The following LDB2 variants were observed in gnomAD, a reference collection of about 807,000 sequenced individuals.
LDB2 encodes the protein LIM domain-binding protein 2.
In LDB2, 12 loss-of-function variants were observed where a neutral mutation model predicts 44.3. The observed-to-expected ratio is 0.27, with a 90% CI of 0.17 to 0.44. The LOEUF (loss-of-function observed/expected upper bound fraction) is 0.44. LDB2 is among the 20% of genes least tolerant of loss of function. The probability of loss-of-function intolerance (pLI) is 1.00; values close to 1 mark genes in which losing one functional copy is unlikely to be tolerated. For synonymous variants in LDB2, 164 were observed against 174.8 expected (o/e 0.94, Z 0.49); for missense variants, 344 against 473.5 (o/e 0.73, Z 2.54).
chr4:16,520,442 C>G lies in LDB2; in HGVS notation c.616-8338G>C, dbSNP rs1210308820. Among the ~76,000 whole-genome samples the G allele has an allele frequency of 3.3e-5, 5 of 152,270 alleles. No homozygotes were observed. In the East Asian group the frequency reaches 9.6e-4, roughly 29 times the overall value. ...ACTTTCCCTTAGAAGCGATGCAAGT[C>G]CAAAACATCAGATTATGATTGAGGT... On this transcript the variant is annotated intron_variant, in intron 5 of 7. Coordinates refer to ENST00000304523, the MANE Select transcript of LDB2 (RefSeq NM_001290.5).
At chr4:16,504,229 A>G (rs1004279603) in intron 7 of LDB2, among the ~76,000 whole-genome samples, 3 of 152,198 alleles carry the variant, frequency 2.0e-5, no homozygotes, top group Admixed American at 6.5e-5. Flanking sequence ...AGTAGAATGG[A>G]ATACTGCCTA....
At chr4:16,766,505 T>A (rs1769303630) in intron 1 of LDB2, among the ~76,000 whole-genome samples, 1 of 65,398 alleles carries the variant, frequency 1.5e-5, no homozygotes. Flanking sequence ...TGTGTGTGTG[T>A]ATATATTTTT....
intron 2 of LDB2, among the ~76,000 whole-genome samples, chr4:16,716,727 G>T (rs76752786): frequency 6.6e-6 from 1 of 151,946 alleles, no homozygotes; most frequent in Non-Finnish European, 1.5e-5. Context: ...ATCCCATACC[G>T]TACCCTAGAA....
At position 16,529,046 on chromosome 4, in the gene LDB2, C is replaced by T. The variant is rs149136760; in HGVS notation, c.616-16942G>A. Among the ~76,000 whole-genome samples the T allele has an allele frequency of 5.7e-3, 873 of 152,120 alleles. 13 individuals carry two copies. Among genetic ancestry groups the T allele is most frequent in the African/African-American group, 0.02 (842 of 41,544 alleles). On this transcript the variant is annotated intron_variant, in intron 5 of 7. Transcript: ENST00000304523. ...AAACTCTTTTAGAAGCTTAATAAATCACTACCTCTAATCATTACCAGTACT... is the reference window on the plus strand; with the variant it reads ...AAACTCTTTTAGAAGCTTAATAAATTACTACCTCTAATCATTACCAGTACT...
chr4:16,825,170 G>A (rs146046978), intron 1 of LDB2, among the ~76,000 whole-genome samples: 3 of 152,254 alleles, frequency 2.0e-5, no homozygotes, highest in Non-Finnish European at 4.4e-5. Context: ...GCAAAAGGAA[G>A]CGACCTGTTT....
intron 5 of LDB2, among the ~76,000 whole-genome samples, chr4:16,516,563 G>A (rs1723805666): frequency 6.6e-6 from 1 of 152,164 alleles, no homozygotes; most frequent in South Asian, 2.1e-4. Flanking sequence ...TCCAAAGCAA[G>A]TATTTTTCAT....
chr4:16,761,710 C>T (rs958557858), intron 1 of LDB2, among the ~76,000 whole-genome samples: 1 of 152,150 alleles, frequency 6.6e-6, no homozygotes. Flanking sequence ...TCAATAAAAT[C>T]TTCAGGAGAT....
intron 2 of LDB2, among the ~76,000 whole-genome samples, chr4:16,667,746 G>T (rs1178230641): frequency 6.6e-6 from 1 of 152,288 alleles, no homozygotes; most frequent in Non-Finnish European, 1.5e-5. Context: ...GGATTGCTGG[G>T]ATCAATTAGC....
chr4:16,689,642 C>T (rs954078762), intron 2 of LDB2, among the ~76,000 whole-genome samples: 2 of 152,140 alleles, frequency 1.3e-5, no homozygotes, highest in Non-Finnish European at 2.9e-5. Context: ...GTTTCCTCAT[C>T]TATAATTTGA....
At chr4:16,835,737 T>C (rs1009353475) in intron 1 of LDB2, among the ~76,000 whole-genome samples, 3 of 152,258 alleles carry the variant, frequency 2.0e-5, no homozygotes, top group African/African-American at 7.2e-5. Flanking sequence ...GAGTCCTAAT[T>C]GCTCTATAGC....
rs553807495 is a variant in LDB2, at chr4:16,611,873, G to A, written c.236-15998C>T. 2.6e-5 allele frequency among the ~76,000 whole-genome samples: 4 copies of A among 152,148 alleles called. No homozygotes were observed. The East Asian group carries it at 5.8e-4, about 22-fold the overall frequency. On this transcript the variant is annotated intron_variant, in intron 2 of 7. Transcript: ENST00000304523. ...TCTGTATCAAGCAGACCTAGTAGGC[G>A]TCTACAGAACTCTCTACCCTAAATC...
chr4:16,887,951 A>G (rs755223996), intron 1 of LDB2, among the ~76,000 whole-genome samples: 1 of 152,064 alleles, frequency 6.6e-6, no homozygotes, highest in Non-Finnish European at 1.5e-5. Flanking sequence ...GTTACTACCC[A>G]TCCACCTGAT....
At chr4:16,811,081 C>G (rs919302533) in intron 1 of LDB2, among the ~76,000 whole-genome samples, 11 of 152,140 alleles carry the variant, frequency 7.2e-5, no homozygotes, top group African/African-American at 2.4e-4. Flanking sequence ...GTTTGCACTC[C>G]TTTGACAATC....
chr4:16,560,702 C>T (rs561080768), intron 5 of LDB2, among the ~76,000 whole-genome samples: 28 of 152,312 alleles, frequency 1.8e-4, no homozygotes, highest in Admixed American at 1.8e-3. Context: ...AGGGAATCCT[C>T]CCTGACTCAT....
chr4:16,640,570 T>C (rs1388323934), intron 2 of LDB2, among the ~76,000 whole-genome samples: 1 of 152,176 alleles, frequency 6.6e-6, no homozygotes, highest in East Asian at 1.9e-4. Flanking sequence ...TTGTGACCAT[T>C]TACTACCAGC....
chr4:16,819,911 C>A (rs1265806327), intron 1 of LDB2, among the ~76,000 whole-genome samples: 1 of 152,130 alleles, frequency 6.6e-6, no homozygotes, highest in Non-Finnish European at 1.5e-5. Flanking sequence ...TTTCTCTGAT[C>A]CTCTGGATTC....
chr4:16,523,555 G>A (rs916872997), intron 5 of LDB2, among the ~76,000 whole-genome samples: 1 of 152,020 alleles, frequency 6.6e-6, no homozygotes, highest in African/African-American at 2.4e-5. Flanking sequence ...TGCGACAGTC[G>A]ATCTGATAAC....
intron 1 of LDB2, among the ~76,000 whole-genome samples, chr4:16,777,581 GA>G (rs952707428): frequency 6.0e-4 from 91 of 152,264 alleles, no homozygotes; most frequent in African/African-American, 2.2e-3. Flanking sequence ...GGATATCATA[GA>G]AAGGCTTTAA....
chr4:16,726,383 G>A (rs965484490), intron 2 of LDB2: 1 of 151,702 alleles, frequency 6.6e-6, no homozygotes, highest in South Asian at 2.1e-4. Context: ...CAGTGCAGAT[G>A]AAATTCAATG....
Sources: gnomAD v4.1 joint callset for allele counts (sites outside exome capture counted in the v4.1 genomes callset) on GRCh38, gnomAD v4.1.1 for gene constraint, MANE v1.5 for transcripts, NCBI Gene and HGNC (gene_info 2026-07-23, HGNC 2026-07-21) for gene names.